The following GRAMD1B variants were observed in gnomAD, a reference collection of about 807,000 sequenced individuals.
GRAMD1B encodes protein Aster-B.
GRAMD1B carries 37 observed loss-of-function variants against 99.7 expected under a neutral mutation model. That is an observed-to-expected ratio of 0.37 (90% CI 0.29 to 0.49). GRAMD1B has a LOEUF of 0.49. GRAMD1B is among the 20% of genes least tolerant of loss of function. GRAMD1B has a pLI of 0.98. For missense variants in GRAMD1B, 888 were observed against 1,009.2 expected (o/e 0.88, Z 1.63); for synonymous variants, 427 against 387.6 (o/e 1.10, Z -1.19).
At chr11:123,539,605 C>T (rs1944308843) in intron 2 of GRAMD1B, among the ~76,000 whole-genome samples, 1 of 151,948 alleles carries the variant, frequency 6.6e-6, no homozygotes, top group South Asian at 2.1e-4. Flanking sequence ...CTGTCTCAAA[C>T]AAACAAACAA....
intron 1 of GRAMD1B, among the ~76,000 whole-genome samples, chr11:123,462,894 A>T (rs60840932): frequency 0.16 from 21,987 of 136,430 alleles, 2,336 homozygotes; most frequent in East Asian, 0.4. Context: ...AATAAATTAA[A>T]AAAAAAAAAA....
intron 1 of GRAMD1B, among the ~76,000 whole-genome samples, chr11:123,371,058 G>A: frequency 7.8e-6 from 1 of 127,762 alleles, no homozygotes; most frequent in African/African-American, 3.0e-5. Context: ...TGCAGATTGA[G>A]ATCTTGACAG....
intron 2 of GRAMD1B, among the ~76,000 whole-genome samples, chr11:123,562,534 T>C (rs1264867889): frequency 1.3e-5 from 2 of 152,232 alleles, no homozygotes; most frequent in African/African-American, 2.4e-5. Context: ...ATTTATGGAC[T>C]CTGAAATGTG....
At chr11:123,434,509 CG>C (rs1949070152) in intron 1 of GRAMD1B, among the ~76,000 whole-genome samples, 1 of 152,062 alleles carries the variant, frequency 6.6e-6, no homozygotes, top group African/African-American at 2.4e-5. Flanking sequence ...GAATTGGTGG[CG>C]GGGTGTGGTA....
chr11:123,583,819 T>C (rs1949737675), intron 3 of GRAMD1B, among the ~76,000 whole-genome samples: 1 of 152,152 alleles, frequency 6.6e-6, no homozygotes, highest in Non-Finnish European at 1.5e-5. Flanking sequence ...GCAGGAGGGA[T>C]TTACTCACCC....
chr11:123,426,192 T>C (rs1282707110), upstream of GRAMD1B, among the ~76,000 whole-genome samples: 2 of 152,160 alleles, frequency 1.3e-5, no homozygotes, highest in East Asian at 1.9e-4. Flanking sequence ...AGACCCACAG[T>C]AGTAGGGTGG....
chr11:123,406,734 A>G (rs2135948711), intron 1 of GRAMD1B, among the ~76,000 whole-genome samples: 1 of 152,342 alleles, frequency 6.6e-6, no homozygotes, highest in African/African-American at 2.4e-5. Context: ...ATATTTTTTA[A>G]GATAAATGAG....
chr11:123,613,626 A>G lies in GRAMD1B; in HGVS notation c.2195A>G (p.Glu732Gly). The change falls in exon 16 of 20, where the codon GAG becomes GGG. Residue 732 changes from glutamate to glycine, a missense_variant. Transcript: ENST00000635736. ...VMSPVTTPTD[E>G]DVGHRIKHVA... Reference sequence around the variant, plus strand: ...AGCCCGGTCACCACGCCCACAGATGAGGATGTGGGCCACAGGATCAAACAT... The same window carrying G: ...AGCCCGGTCACCACGCCCACAGATGGGGATGTGGGCCACAGGATCAAACAT... 6.2e-7 allele frequency: 1 copy of G among 1,613,724 alleles called. No homozygotes were observed. The highest frequency in any genetic ancestry group is 1.7e-4 in the Middle Eastern group (1 of 5,998).
intron 1 of GRAMD1B, among the ~76,000 whole-genome samples, chr11:123,441,637 G>C (rs2134269687): frequency 6.6e-6 from 1 of 151,626 alleles, no homozygotes; most frequent in East Asian, 1.9e-4. Context: ...GAAAAAAAAA[G>C]AGAAAAAAAT....
chr11:123,438,440 C>G (rs1949262854), intron 1 of GRAMD1B, among the ~76,000 whole-genome samples: 1 of 151,846 alleles, frequency 6.6e-6, no homozygotes, highest in Non-Finnish European at 1.5e-5. Context: ...GTCGGGAGGC[C>G]ATTGAGGAGA....
chr11:123,484,295 T>C (rs1365870875), intron 2 of GRAMD1B, among the ~76,000 whole-genome samples: 1 of 152,202 alleles, frequency 6.6e-6, no homozygotes, highest in African/African-American at 2.4e-5. Flanking sequence ...AGATGAGTAG[T>C]GCTGAGATGC....
chr11:123,359,422 A>G (rs532998391), intron 1 of GRAMD1B, among the ~76,000 whole-genome samples: 1 of 152,102 alleles, frequency 6.6e-6, no homozygotes, highest in Admixed American at 6.5e-5. Flanking sequence ...GAGGAAATAG[A>G]GTTACTCTTG....
At chr11:123,427,554 G>T (rs929244214), upstream of GRAMD1B, among the ~76,000 whole-genome samples, 13 of 152,162 alleles carry the variant, frequency 8.5e-5, no homozygotes, top group Non-Finnish European at 1.8e-4. Flanking sequence ...CAGCTGTAGG[G>T]CATTTCATAT....
chr11:123,619,600 T>G, intron 19 of GRAMD1B: 1 of 1,016,944 alleles, frequency 9.8e-7, no homozygotes, highest in Non-Finnish European at 1.2e-6. Flanking sequence ...TGTCTTTGAG[T>G]TTTTTCAAAT....
chr11:123,470,345 AT>A (rs1188411664), intron 1 of GRAMD1B, among the ~76,000 whole-genome samples: 2 of 151,872 alleles, frequency 1.3e-5, no homozygotes, highest in Non-Finnish European at 2.9e-5. Flanking sequence ...AGCAGCTCAT[AT>A]TTTTTTTCTT....
intron 2 of GRAMD1B, chr11:123,560,304 A>G: frequency 8.7e-7 from 1 of 1,146,094 alleles, no homozygotes; most frequent in Non-Finnish European, 1.1e-6. Flanking sequence ...AGGGAGAGAG[A>G]GAAAGGGAGC....
At chr11:123,553,446 T>C (rs959681669) in intron 2 of GRAMD1B, among the ~76,000 whole-genome samples, 6 of 152,238 alleles carry the variant, frequency 3.9e-5, no homozygotes, top group Admixed American at 3.3e-4. Flanking sequence ...GTGTACATGA[T>C]AAAATTTTAC....
At chr11:123,589,614 T>TTATATATATATATAATATATATATATA (rs1950432566) in intron 4 of GRAMD1B, among the ~76,000 whole-genome samples, 1 of 128,278 alleles carries the variant, frequency 7.8e-6, no homozygotes, top group African/African-American at 3.5e-5. Flanking sequence ...TGGCTAATTT[T>TTATATATATATATAATATATATATATA]TATATATATA....
intron 2 of GRAMD1B, among the ~76,000 whole-genome samples, chr11:123,525,194 T>C (rs903654539): frequency 3.3e-5 from 5 of 152,220 alleles, no homozygotes; most frequent in Non-Finnish European, 7.3e-5. Flanking sequence ...TGCCTCACCC[T>C]GCGTCCCAGA....
Sources: allele counts gnomAD v4.1 joint callset (sites outside exome capture counted in the v4.1 genomes callset), GRCh38; gene constraint gnomAD v4.1.1; transcripts MANE v1.5; gene names NCBI Gene and HGNC (gene_info 2026-07-23, HGNC 2026-07-21).